Variants in CLSTN2 observed in about 807,000 individuals in gnomAD.
CLSTN2 encodes calsyntenin 2, also known as calsyntenin-2.
Under a neutral mutation model 101.2 loss-of-function variants are expected in CLSTN2, and 48 were observed. The observed-to-expected ratio is 0.47, with a 90% CI of 0.38 to 0.60. The LOEUF is 0.60. Among genes scored for constraint, CLSTN2 ranks in the 20% least tolerant of loss-of-function variants. The pLI, the probability that CLSTN2 is intolerant of heterozygous loss-of-function variation, is 0.00. For missense variants in CLSTN2, 1,160 were observed against 1,238.2 expected (o/e 0.94, Z 0.95); for synonymous variants, 481 against 463.6 (o/e 1.04, Z -0.48).
At position 139,935,627 on chromosome 3, in the gene CLSTN2, C is replaced by A; in HGVS notation, c.109+144C>A. 1 of 414,858 alleles carries A rather than the reference C, an allele frequency of 2.4e-6. No individual in the cohort carries two copies. The highest frequency in any genetic ancestry group is 4.1e-6 in the Non-Finnish European group (1 of 243,782). The allele number at this position is 414,858 out of a possible 1,614,324, so 25.7% of individuals were successfully genotyped here. A position where few individuals can be genotyped will look rare whatever the true frequency, so the allele number is the denominator to read the frequency against. ...TTGGCCTCTGTGCGCCCTGGATTCC[C>A]GAAGTCAGTTCCCTGCGCAGCGGAC... On this transcript the variant is annotated intron_variant, in intron 1 of 16. Coordinates refer to ENST00000458420, the MANE Select transcript of CLSTN2 (RefSeq NM_022131.3). The surrounding 1 kb of genome is among the most constrained non-coding windows in gnomAD (Gnocchi z 5.5).
intron 2 of CLSTN2, among the ~76,000 whole-genome samples, chr3:140,304,729 C>T (rs982279598): frequency 6.6e-6 from 1 of 152,112 alleles, no homozygotes; most frequent in Non-Finnish European, 1.5e-5. Flanking sequence ...AGCGTCTTTT[C>T]TCATTGAATC....
intron 1 of CLSTN2, among the ~76,000 whole-genome samples, chr3:139,975,960 C>A (rs59263068): frequency 0.01 from 1,550 of 152,306 alleles, 21 homozygotes; most frequent in African/African-American, 0.036. Context: ...GGTACTAGTA[C>A]AGAGAGACTC....
intron 1 of CLSTN2, among the ~76,000 whole-genome samples, chr3:139,962,966 T>A (rs917342471): frequency 1.3e-5 from 2 of 152,196 alleles, no homozygotes; most frequent in Non-Finnish European, 1.5e-5. Flanking sequence ...TAGCATATTT[T>A]GTGACTGGTG....
intron 2 of CLSTN2, among the ~76,000 whole-genome samples, chr3:140,306,631 T>C (rs988885686): frequency 1.8e-4 from 27 of 152,290 alleles, no homozygotes; most frequent in African/African-American, 5.5e-4. Flanking sequence ...TGTCCTACTC[T>C]TCATGGACTT....
At chr3:140,105,600 T>G (rs1347518641) in intron 1 of CLSTN2, among the ~76,000 whole-genome samples, 2 of 152,318 alleles carry the variant, frequency 1.3e-5, no homozygotes, top group East Asian at 3.9e-4. Flanking sequence ...ACTAAGCATC[T>G]AATCTATGCA....
intron 2 of CLSTN2, among the ~76,000 whole-genome samples, chr3:140,399,473 A>G (rs575794156): frequency 6.6e-6 from 1 of 152,314 alleles, no homozygotes; most frequent in South Asian, 2.1e-4. Context: ...TATTTGGTAT[A>G]GTTCTAAGTA....
chr3:140,521,718 T>A (rs535136859), intron 8 of CLSTN2, among the ~76,000 whole-genome samples: 2 of 152,354 alleles, frequency 1.3e-5, no homozygotes, highest in African/African-American at 4.8e-5. Context: ...CAGCAGGCTA[T>A]AACAGCTGAG....
At chr3:140,333,682 C>CTG (rs10545391) in intron 2 of CLSTN2, among the ~76,000 whole-genome samples, 5,443 of 147,600 alleles carry the variant, frequency 0.037, 159 homozygotes, top group African/African-American at 0.082. Context: ...AGAGTGGAGA[C>CTG]TGTGTGTGTG....
chr3:140,487,713 C>A (rs1934267857), intron 8 of CLSTN2, among the ~76,000 whole-genome samples: 1 of 152,180 alleles, frequency 6.6e-6, no homozygotes. Context: ...TACTGAAGAC[C>A]CCTTGTCCCT....
intron 9 of CLSTN2, among the ~76,000 whole-genome samples, chr3:140,541,343 C>T (rs1221968734): frequency 1.3e-5 from 2 of 152,200 alleles, no homozygotes; most frequent in African/African-American, 4.8e-5. Flanking sequence ...AGTTCAAGTC[C>T]CCAGTCAACC....
At position 140,532,357 on chromosome 3, in the gene CLSTN2, A is replaced by G. The variant is rs1368075733; in HGVS notation, c.1378A>G (p.Asn460Asp). The G allele has an allele frequency of 2.5e-6, 4 of 1,611,204 alleles. No homozygotes were observed. Among genetic ancestry groups the G allele is most frequent in the Non-Finnish European group, 3.4e-6 (4 of 1,178,332 alleles). Residue 460 changes from asparagine to aspartate, a missense_variant, in exon 9 of 17, where the codon AAT (asparagine) becomes GAT (aspartate). Physicochemically the swap from Asn to Asp is conservative, Grantham distance 23 (BLOSUM62 1). Transcript: ENST00000458420. ...CAAAGAGTGGCACTACTATGTCATC[A>G]ATGTGGAGTTTCCTGTGGTAACCTT... ...CDKEWHYYVINVEFPVVTLYM... is the reference protein window; with the variant it reads ...CDKEWHYYVIDVEFPVVTLYM...
intron 1 of CLSTN2, among the ~76,000 whole-genome samples, chr3:140,044,596 C>T (rs980791269): frequency 4.6e-5 from 7 of 152,266 alleles, no homozygotes; most frequent in Admixed American, 2.6e-4. Flanking sequence ...GAGGGCATCC[C>T]TGTCTTGTGG....
At chr3:140,552,972 A>G (rs1469664287) in intron 10 of CLSTN2, among the ~76,000 whole-genome samples, 2 of 152,218 alleles carry the variant, frequency 1.3e-5, no homozygotes, top group Non-Finnish European at 2.9e-5. Context: ...ACTTGCGAAT[A>G]CCTCATAACT....
At chr3:140,445,441 G>T (rs1291858773) in intron 5 of CLSTN2, among the ~76,000 whole-genome samples, 4 of 152,152 alleles carry the variant, frequency 2.6e-5, no homozygotes, top group African/African-American at 9.7e-5. Context: ...CATGACCAGA[G>T]GGGAGGTATT....
chr3:140,115,545 G>C (rs1179069640), intron 1 of CLSTN2, among the ~76,000 whole-genome samples: 1 of 152,124 alleles, frequency 6.6e-6, no homozygotes, highest in Non-Finnish European at 1.5e-5. Flanking sequence ...TCTCTGTAAA[G>C]GGCAGGGAGA....
intron 7 of CLSTN2, among the ~76,000 whole-genome samples, chr3:140,464,023 A>G (rs940446770): frequency 2.6e-5 from 4 of 152,232 alleles, no homozygotes; most frequent in Non-Finnish European, 4.4e-5. Flanking sequence ...ATCAATTCCT[A>G]TGTAAAGATT....
chr3:139,943,888 T>C (rs1935176425), intron 1 of CLSTN2, among the ~76,000 whole-genome samples: 1 of 152,044 alleles, frequency 6.6e-6, no homozygotes, highest in South Asian at 2.1e-4. Flanking sequence ...AACCCAAACC[T>C]CCTTCTTAGA....
At chr3:140,033,929 G>A (rs758488128) in intron 1 of CLSTN2, among the ~76,000 whole-genome samples, 9 of 152,134 alleles carry the variant, frequency 5.9e-5, no homozygotes, top group Non-Finnish European at 8.8e-5. Context: ...ACCTTAATAT[G>A]CGGGAGAGAA....
intron 1 of CLSTN2, among the ~76,000 whole-genome samples, chr3:139,972,297 TGTGGGTTTTACAATTTA>T (rs1187196078): frequency 6.8e-6 from 1 of 146,984 alleles, no homozygotes. Flanking sequence ...CCCTGGGGGG[TGTGGGTTTTACAATTTA>T]GTGGGTCCTC....
Sources: gnomAD v4.1 joint callset for allele counts (sites outside exome capture counted in the v4.1 genomes callset) on GRCh38, gnomAD v4.1.1 for gene constraint, Gnocchi (gnomAD v3.1) non-coding constraint, MANE v1.5 for transcripts, NCBI Gene and HGNC (gene_info 2026-07-23, HGNC 2026-07-21) for gene names.